The following DENND2B variants were observed in gnomAD, a reference collection of about 807,000 sequenced individuals.
DENND2B encodes the protein DENN domain containing 2B, also known as DENN domain-containing protein 2B.
DENND2B carries 32 observed loss-of-function variants against 116.0 expected under a neutral mutation model. That is an observed-to-expected ratio of 0.28 (90% CI 0.21 to 0.37). DENND2B has a LOEUF of 0.37. Among genes scored for constraint, DENND2B ranks in the 10% least tolerant of loss-of-function variants. The pLI is 1.00. For missense variants in DENND2B, 1,276 were observed against 1,477.7 expected, an observed-to-expected ratio of 0.86 and a Z score of 2.24; for synonymous variants, 588 against 583.9, an observed-to-expected ratio of 1.01 and a Z score of -0.10.
intron 14 of DENND2B, chr11:8,699,777 A>G (rs1433730799): frequency 6.7e-6 from 3 of 446,324 alleles, no homozygotes; most frequent in African/African-American, 6.0e-5. Flanking sequence ...CCCACCCCAC[A>G]TCAGAACTAG....
At chr11:8,791,231 A>G (rs2059349877) in intron 1 of DENND2B, among the ~76,000 whole-genome samples, 1 of 152,224 alleles carries the variant, frequency 6.6e-6, no homozygotes, top group South Asian at 2.1e-4. Flanking sequence ...TTAAGGGAGA[A>G]GCTTCTACGT....
intron 1 of DENND2B, among the ~76,000 whole-genome samples, chr11:8,806,429 A>T (rs528122214): frequency 2.0e-5 from 3 of 152,300 alleles, no homozygotes; most frequent in Admixed American, 2.0e-4. Context: ...TTATAAGGAC[A>T]GTGAAATCTA....
chr11:8,718,829 G>A, intron 4 of DENND2B: 2 of 998,246 alleles, frequency 2.0e-6, no homozygotes, highest in Non-Finnish European at 2.4e-6. Flanking sequence ...CTTTCCACAA[G>A]CTGTATCTCC....
At chr11:8,727,772 G>A (rs2047326702) in intron 3 of DENND2B, among the ~76,000 whole-genome samples, 1 of 152,082 alleles carries the variant, frequency 6.6e-6, no homozygotes, top group Admixed American at 6.6e-5. Flanking sequence ...TCGTATGCAG[G>A]TAGCCCTCAA....
intron 1 of DENND2B, among the ~76,000 whole-genome samples, chr11:8,779,754 T>C (rs940656306): frequency 4.6e-5 from 7 of 152,244 alleles, no homozygotes; most frequent in African/African-American, 1.2e-4. Flanking sequence ...CCTCAGGTGA[T>C]CCGCCCCGCC....
At chr11:8,765,750 A>G (rs2055609147) in intron 1 of DENND2B, among the ~76,000 whole-genome samples, 1 of 152,026 alleles carries the variant, frequency 6.6e-6, no homozygotes, top group South Asian at 2.1e-4. Flanking sequence ...GTTTAAACCT[A>G]CTTAAGGCCA....
chr11:8,754,967 G>A (rs1015637086), intron 1 of DENND2B, among the ~76,000 whole-genome samples: 1 of 152,222 alleles, frequency 6.6e-6, no homozygotes, highest in Non-Finnish European at 1.5e-5. Context: ...TACAACTCTT[G>A]TGAATATATT....
At chr11:8,866,994 C>A (rs1594302313) in intron 2 of DENND2B, among the ~76,000 whole-genome samples, 1 of 140,960 alleles carries the variant, frequency 7.1e-6, no homozygotes, top group African/African-American at 3.1e-5. Context: ...TGACAAAAAA[C>A]CATGGGTGAC....
At chr11:8,710,753 GC>G in intron 11 of DENND2B, 91 bp downstream of exon 11, 1 of 830,358 alleles carries the variant, frequency 1.2e-6, no homozygotes, top group African/African-American at 1.8e-5. Flanking sequence ...TTGCAGAAGG[GC>G]ACACACACAC....
chr11:8,768,431 A>G (rs1593392359), intron 1 of DENND2B, among the ~76,000 whole-genome samples: 1 of 151,964 alleles, frequency 6.6e-6, no homozygotes, highest in Admixed American at 6.6e-5. Context: ...AATTTTTTGT[A>G]GAGATACGGG....
chr11:8,864,509 A>G (rs890789423), intron 2 of DENND2B, among the ~76,000 whole-genome samples: 3 of 152,146 alleles, frequency 2.0e-5, no homozygotes, highest in Admixed American at 6.5e-5. Flanking sequence ...GCTTCAAGCA[A>G]TCCTCCCAAT....
At chr11:8,759,156 A>G (rs911004069) in intron 1 of DENND2B, among the ~76,000 whole-genome samples, 1 of 152,218 alleles carries the variant, frequency 6.6e-6, no homozygotes, top group Admixed American at 6.5e-5. Context: ...CAGTCTCTGA[A>G]GGGAGCTCTT....
At chr11:8,786,529 G>C (rs777814947) in intron 1 of DENND2B, among the ~76,000 whole-genome samples, 16 of 152,168 alleles carry the variant, frequency 1.1e-4, no homozygotes, top group Non-Finnish European at 2.1e-4. Flanking sequence ...GGATTAGGAA[G>C]GCCAGGCATG....
chr11:8,865,467 AAG>A (rs1316818890), intron 2 of DENND2B, among the ~76,000 whole-genome samples: 1 of 152,138 alleles, frequency 6.6e-6, no homozygotes, highest in Admixed American at 6.6e-5. Context: ...TAGGTCTAAA[AAG>A]AGAGACTTGT....
intron 5 of DENND2B, among the ~76,000 whole-genome samples, chr11:8,716,383 G>A (rs749071939): frequency 6.6e-6 from 1 of 152,156 alleles, no homozygotes; most frequent in Non-Finnish European, 1.5e-5. Flanking sequence ...GGCCCTGGCT[G>A]CCCTCTCCCC....
At chr11:8,745,657 A>G (rs1478518000) in intron 2 of DENND2B, among the ~76,000 whole-genome samples, 1 of 152,238 alleles carries the variant, frequency 6.6e-6, no homozygotes, top group African/African-American at 2.4e-5. Context: ...ATACAGCACA[A>G]TAGAAGACAA....
At chr11:8,805,133 A>C (rs2060728246) in intron 1 of DENND2B, among the ~76,000 whole-genome samples, 1 of 152,212 alleles carries the variant, frequency 6.6e-6, no homozygotes, top group Non-Finnish European at 1.5e-5. Flanking sequence ...TCACACAGCA[A>C]GGTCAGGCTC....
Position 8,763,946 on chromosome 11 carries a change from AG to A in DENND2B, c.-25-13222del, listed in dbSNP as rs201560469. ...GTTATTAAGAAGCAGTAGAGAGGCC[AG>A]GTGTGGTGGCTCAAGCCTGGAATCC... On this transcript the variant is annotated intron_variant, in intron 1 of 19. Coordinates refer to ENST00000313726, the MANE Select transcript of DENND2B (RefSeq NM_213618.2). 9.2e-3 allele frequency among the ~76,000 whole-genome samples: 1,407 copies of A among 152,274 alleles called. 25 individuals carry two copies. Among genetic ancestry groups the A allele is most frequent in the African/African-American group, 0.033 (1,352 of 41,548 alleles).
At chr11:8,776,756 G>C (rs918404801) in intron 1 of DENND2B, 1 of 159,596 alleles carries the variant, frequency 6.3e-6, no homozygotes, top group African/African-American at 2.4e-5. Flanking sequence ...AATTTTATCA[G>C]CTAGGCTGGG....
Sources: allele counts gnomAD v4.1 joint callset (sites outside exome capture counted in the v4.1 genomes callset), GRCh38; gene constraint gnomAD v4.1.1; transcripts MANE v1.5; gene names NCBI Gene and HGNC (gene_info 2026-07-23, HGNC 2026-07-21).